GPM6B: variants seen among roughly 807,000 people sequenced by gnomAD.
The protein encoded by GPM6B is glycoprotein M6B, also known as neuronal membrane glycoprotein M6-b.
GPM6B carries 4 observed loss-of-function variants against 27.2 expected under a neutral mutation model. The ratio of observed to expected loss-of-function variants is 0.15; its 90% CI spans 0.07 to 0.34. GPM6B has a LOEUF of 0.34. Ranked by LOEUF, GPM6B falls within the 10% of genes least tolerant of loss-of-function variation. The probability of loss-of-function intolerance (pLI) is 1.00; values close to 1 mark genes in which losing one functional copy is unlikely to be tolerated. For missense variants in GPM6B, 183 were observed against 261.9 expected, an observed-to-expected ratio of 0.70 and a Z score of 2.08; for synonymous variants, 124 against 103.1, an observed-to-expected ratio of 1.20 and a Z score of -1.23.
At chrX:13,931,453 A>G (rs1191566096) in intron 1 of GPM6B, among the ~76,000 whole-genome samples, 4 of 109,515 alleles carry the variant, frequency 3.7e-5, no homozygotes, top group African/African-American at 6.7e-5. Flanking sequence ...GCACCACTGC[A>G]CTCCAGCCTG....
intron 1 of GPM6B, among the ~76,000 whole-genome samples, chrX:13,891,869 A>G (rs2050192098): frequency 8.9e-6 from 1 of 111,734 alleles, no homozygotes; most frequent in Non-Finnish European, 1.9e-5. Context: ...CAGGGAAAAA[A>G]CAGAAGAAAA....
intron 2 of GPM6B, among the ~76,000 whole-genome samples, chrX:13,791,137 A>T (rs992854368): frequency 8.9e-6 from 1 of 112,323 alleles, no homozygotes. Flanking sequence ...GTGAACGAGA[A>T]AAAATAAGGA....
intron 2 of GPM6B, among the ~76,000 whole-genome samples, chrX:13,796,825 C>T (rs2048824816): frequency 8.9e-6 from 1 of 112,285 alleles, no homozygotes. Context: ...TCAATAAAAG[C>T]AATGATACGC....
At chrX:13,894,598 G>A (rs1215922054) in intron 1 of GPM6B, among the ~76,000 whole-genome samples, 1 of 111,997 alleles carries the variant, frequency 8.9e-6, no homozygotes, top group African/African-American at 3.2e-5. Context: ...GTATTTTATT[G>A]TACCTTGTTA....
chrX:13,930,908 GCA>G (rs1192347132), intron 1 of GPM6B, among the ~76,000 whole-genome samples: 1 of 112,224 alleles, frequency 8.9e-6, no homozygotes, highest in African/African-American at 3.2e-5. Context: ...AAATGGCTGG[GCA>G]CAGTGGCTCA....
At chrX:13,787,481 A>G (rs1445165091) in intron 2 of GPM6B, among the ~76,000 whole-genome samples, 1 of 111,798 alleles carries the variant, frequency 8.9e-6, no homozygotes, top group Non-Finnish European at 1.9e-5. Context: ...GCTTGAACCC[A>G]GGAGGAAGAG....
chrX:13,890,514 C>T (rs1318764607), intron 1 of GPM6B, among the ~76,000 whole-genome samples: 1 of 111,527 alleles, frequency 9.0e-6, no homozygotes, highest in Admixed American at 9.5e-5. Flanking sequence ...TGTTGTAACA[C>T]TATTAGTTAG....
At chrX:13,855,266 A>G (rs1308516784) in intron 1 of GPM6B, among the ~76,000 whole-genome samples, 1 of 112,264 alleles carries the variant, frequency 8.9e-6, no homozygotes, top group Non-Finnish European at 1.9e-5. Flanking sequence ...TGATCTGCCC[A>G]CCTTGGTCTC....
intron 1 of GPM6B, among the ~76,000 whole-genome samples, chrX:13,851,781 A>C (rs928362159): frequency 2.7e-5 from 3 of 111,348 alleles, no homozygotes; most frequent in African/African-American, 9.8e-5. Context: ...TATCATTGCC[A>C]GGAAGGTAGA....
chrX:13,846,489 A>T (rs753824462), intron 1 of GPM6B, among the ~76,000 whole-genome samples: 184 of 109,463 alleles, frequency 1.7e-3, no homozygotes, highest in African/African-American at 5.4e-3. Flanking sequence ...CTTTTTTTTT[A>T]TTTTTTATTT....
At chrX:13,910,532 G>A (rs1468011191) in intron 1 of GPM6B, among the ~76,000 whole-genome samples, 1 of 113,325 alleles carries the variant, frequency 8.8e-6, no homozygotes, top group Non-Finnish European at 1.9e-5. Flanking sequence ...GATGCAGGCC[G>A]CCTGTGCGGT....
In GPM6B at chrX:13,772,180, ATC is replaced by A. The variant is rs1465825404; in HGVS notation, c.*699_*700del. On this transcript the variant is annotated 3_prime_UTR_variant, in exon 8 of 8. Coordinates refer to ENST00000316715, the MANE Select transcript of GPM6B (RefSeq NM_001001995.3). ...TGGATCAGTATTTTGTTAAAATGAA[ATC>A]TGTTATAAAATTGCTTCTGGAAAGC... 8.9e-6 allele frequency: 1 copy of A among 112,604 alleles called. No individual in the cohort carries two copies. The highest frequency in any genetic ancestry group is 3.2e-5 in the African/African-American group (1 of 30,911). The allele number at this position is 112,604 out of a possible 1,213,427, so 9.3% of individuals were successfully genotyped here.
At chrX:13,868,371 G>A (rs2049941739) in intron 1 of GPM6B, among the ~76,000 whole-genome samples, 1 of 111,899 alleles carries the variant, frequency 8.9e-6, no homozygotes, top group Non-Finnish European at 1.9e-5. Flanking sequence ...TTGGTTTCTG[G>A]ATTTTGAAGG....
At chrX:13,873,097 G>A (rs753793352) in intron 1 of GPM6B, among the ~76,000 whole-genome samples, 2 of 110,984 alleles carry the variant, frequency 1.8e-5, no homozygotes, top group East Asian at 2.8e-4. Context: ...AAATGGGGTC[G>A]GGAAATTTGA....
intron 1 of GPM6B, among the ~76,000 whole-genome samples, chrX:13,887,326 C>G (rs2050147114): frequency 8.9e-6 from 1 of 112,105 alleles, no homozygotes; most frequent in Non-Finnish European, 1.9e-5. Context: ...TACAGAAAAG[C>G]ATGTTGGAGT....
intron 1 of GPM6B, among the ~76,000 whole-genome samples, chrX:13,822,387 ACG>A (rs1240115324): frequency 9.2e-6 from 1 of 109,147 alleles, no homozygotes; most frequent in Middle Eastern, 4.3e-3. Context: ...TTTTTCTGAG[ACG>A]GAGTCTCGCG....
chrX:13,848,338 A>C (rs953690795), intron 1 of GPM6B, among the ~76,000 whole-genome samples: 3 of 111,266 alleles, frequency 2.7e-5, no homozygotes, highest in African/African-American at 9.8e-5. Context: ...ACAGGTGTTT[A>C]CCCTGAAAGC....
At chrX:13,816,698 C>T in intron 1 of GPM6B, 146 bp downstream of exon 1, 1 of 664,250 alleles carries the variant, frequency 1.5e-6, no homozygotes, top group Non-Finnish European at 2.5e-6. Flanking sequence ...CATCAGCCCA[C>T]AGGAAAAAAA....
At chrX:13,846,475 C>T (rs1171201939) in intron 1 of GPM6B, among the ~76,000 whole-genome samples, 2 of 111,356 alleles carry the variant, frequency 1.8e-5, no homozygotes, top group Non-Finnish European at 3.8e-5. Flanking sequence ...TCTCCCTCGA[C>T]CATCTTTTTT....
Sources: allele counts gnomAD v4.1 joint callset (sites outside exome capture counted in the v4.1 genomes callset), GRCh38; gene constraint gnomAD v4.1.1; transcripts MANE v1.5; gene names NCBI Gene and HGNC (gene_info 2026-07-23, HGNC 2026-07-21).